The following HS6ST3 variants were observed in gnomAD, a reference collection of about 807,000 sequenced individuals.
HS6ST3 encodes the protein heparan-sulfate 6-O-sulfotransferase 3.
In HS6ST3, 12 loss-of-function variants were observed where a neutral mutation model predicts 36.7. The observed-to-expected ratio is 0.33, with a 90% CI of 0.21 to 0.53. HS6ST3 has a LOEUF of 0.53. Among genes scored for constraint, HS6ST3 ranks in the 20% least tolerant of loss-of-function variants. The pLI is 0.95. For missense variants in HS6ST3, 584 were observed against 640.9 expected, an observed-to-expected ratio of 0.91 and a Z score of 0.96; for synonymous variants, 240 against 257.5, an observed-to-expected ratio of 0.93 and a Z score of 0.65.
chr13:96,153,475 C>G (rs1416129457), intron 1 of HS6ST3, among the ~76,000 whole-genome samples: 2 of 152,126 alleles, frequency 1.3e-5, no homozygotes, highest in East Asian at 3.9e-4. Flanking sequence ...AGCCAGGGTT[C>G]TTTTATTTAT....
chr13:96,260,277 TCCTC>T (rs1262850122), intron 1 of HS6ST3, among the ~76,000 whole-genome samples: 20 of 143,730 alleles, frequency 1.4e-4, no homozygotes, highest in Non-Finnish European at 2.1e-4. Flanking sequence ...CTTTCTTCTT[TCCTC>T]CCTCCCTCCC....
intron 1 of HS6ST3, among the ~76,000 whole-genome samples, chr13:96,334,016 G>A (rs1194788211): frequency 6.6e-6 from 1 of 152,132 alleles, no homozygotes; most frequent in East Asian, 1.9e-4. Flanking sequence ...TGGCACCACG[G>A]CCTGTAGGGT....
chr13:96,230,315 G>T (rs1163908607), intron 1 of HS6ST3, among the ~76,000 whole-genome samples: 1 of 152,128 alleles, frequency 6.6e-6, no homozygotes, highest in African/African-American at 2.4e-5. Context: ...AGGCATTGAG[G>T]CTTGGAACGG....
chr13:96,150,098 A>G (rs981558837), intron 1 of HS6ST3, among the ~76,000 whole-genome samples: 1 of 152,162 alleles, frequency 6.6e-6, no homozygotes, highest in African/African-American at 2.4e-5. Context: ...TCCCACAACA[A>G]GAGGAATAAG....
intron 1 of HS6ST3, among the ~76,000 whole-genome samples, chr13:96,131,632 A>T (rs2139311870): frequency 6.6e-6 from 1 of 152,218 alleles, no homozygotes; most frequent in South Asian, 2.1e-4. Flanking sequence ...TCACTAAGTT[A>T]AGTTTCTTGA....
intron 1 of HS6ST3, among the ~76,000 whole-genome samples, chr13:96,283,508 C>T (rs1324823311): frequency 1.3e-5 from 2 of 152,184 alleles, no homozygotes; most frequent in African/African-American, 2.4e-5. Flanking sequence ...TCTGTTGCAT[C>T]TGTCTTGTCC....
chr13:96,382,854 C>T (rs2055348092), intron 1 of HS6ST3, among the ~76,000 whole-genome samples: 1 of 152,092 alleles, frequency 6.6e-6, no homozygotes. Flanking sequence ...TCACTCTAAG[C>T]CTAACTTATA....
At chr13:96,512,511 C>T (rs532990351) in intron 1 of HS6ST3, among the ~76,000 whole-genome samples, 19 of 152,170 alleles carry the variant, frequency 1.2e-4, no homozygotes, top group African/African-American at 3.1e-4. Context: ...ATCCAGTGTT[C>T]GCATTGAAGA....
intron 1 of HS6ST3, among the ~76,000 whole-genome samples, chr13:96,763,931 G>T (rs1877032307): frequency 6.6e-6 from 1 of 152,190 alleles, no homozygotes; most frequent in African/African-American, 2.4e-5. Flanking sequence ...TGTGAAGTTA[G>T]AAACTAAGCA....
chr13:96,787,447 A>G lies in HS6ST3; in HGVS notation c.708-45043A>G, dbSNP rs1390676176. On this transcript the variant is annotated intron_variant, in intron 1 of 1. Transcript: ENST00000376705. The stretch of plus-strand genomic sequence containing the variant: ...TGTATGTATGTTTATATATGTATGT[A>G]TATATGTATTTACTTTAGCCATTCT... 2.0e-5 allele frequency among the ~76,000 whole-genome samples: 3 copies of G among 152,188 alleles called. No individual in the cohort carries two copies. In the East Asian group the frequency reaches 5.8e-4, roughly 29 times the overall value.
chr13:96,615,189 T>C (rs1404349080), intron 1 of HS6ST3, among the ~76,000 whole-genome samples: 5 of 152,232 alleles, frequency 3.3e-5, no homozygotes, highest in Admixed American at 6.5e-5. Context: ...AACTGTAACA[T>C]GCTTTGTAAC....
At chr13:96,482,674 C>T (rs953205363) in intron 1 of HS6ST3, among the ~76,000 whole-genome samples, 2 of 152,104 alleles carry the variant, frequency 1.3e-5, no homozygotes, top group South Asian at 4.1e-4. Context: ...AATTGTCCTT[C>T]GTCACCTCAA....
intron 1 of HS6ST3, among the ~76,000 whole-genome samples, chr13:96,585,622 C>T (rs2056358162): frequency 6.6e-6 from 1 of 152,126 alleles, no homozygotes; most frequent in African/African-American, 2.4e-5. Context: ...CCTAACCTCC[C>T]CAGCCCCTGG....
At chr13:96,370,939 A>G (rs2055286945) in intron 1 of HS6ST3, among the ~76,000 whole-genome samples, 1 of 152,136 alleles carries the variant, frequency 6.6e-6, no homozygotes, top group Admixed American at 6.6e-5. Flanking sequence ...AATGTCGATT[A>G]TTACTCTATG....
intron 1 of HS6ST3, among the ~76,000 whole-genome samples, chr13:96,105,006 GCAAATAATGTAATTATTTGCACAGGA>G (rs753491930): frequency 1.4e-5 from 2 of 141,768 alleles, no homozygotes; most frequent in Non-Finnish European, 3.2e-5. Context: ...AATGTACAGG[GCAAATAATGTAATTATTTGCACAGGA>G]CAAATAATGT....
chr13:96,783,274 T>G (rs988207065), intron 1 of HS6ST3, among the ~76,000 whole-genome samples: 1 of 152,178 alleles, frequency 6.6e-6, no homozygotes, highest in African/African-American at 2.4e-5. Flanking sequence ...TGGGCTGATT[T>G]GTCCCTATAT....
At chr13:96,305,774 T>C (rs1441057072) in intron 1 of HS6ST3, among the ~76,000 whole-genome samples, 1 of 152,112 alleles carries the variant, frequency 6.6e-6, no homozygotes, top group Non-Finnish European at 1.5e-5. Context: ...ACATAGTTGG[T>C]TCAAGATCAA....
chr13:96,577,568 G>C (rs980463535), intron 1 of HS6ST3, among the ~76,000 whole-genome samples: 1 of 152,030 alleles, frequency 6.6e-6, no homozygotes, highest in African/African-American at 2.4e-5. Flanking sequence ...GGTATTTCTG[G>C]TTCCAGATTC....
intron 1 of HS6ST3, among the ~76,000 whole-genome samples, chr13:96,721,371 A>G (rs1204980184): frequency 1.3e-5 from 2 of 152,156 alleles, no homozygotes; most frequent in Non-Finnish European, 2.9e-5. Context: ...AGATTTTTCT[A>G]TGACCAAATT....
Sources: gnomAD v4.1 joint callset for allele counts (sites outside exome capture counted in the v4.1 genomes callset) on GRCh38, gnomAD v4.1.1 for gene constraint, MANE v1.5 for transcripts, NCBI Gene and HGNC (gene_info 2026-07-23, HGNC 2026-07-21) for gene names.